SNCAIP: variants seen among roughly 807,000 people sequenced by gnomAD.
The protein encoded by SNCAIP is synphilin-1.
SNCAIP carries 43 observed loss-of-function variants against 86.7 expected under a neutral mutation model. That is an observed-to-expected ratio of 0.50 (90% CI 0.39 to 0.64). The LOEUF (loss-of-function observed/expected upper bound fraction) is 0.64. Ranked by LOEUF, SNCAIP falls within the 30% of genes least tolerant of loss-of-function variation. SNCAIP has a pLI of 0.00. For synonymous variants in SNCAIP, 417 were observed against 427.2 expected, an observed-to-expected ratio of 0.98 and a Z score of 0.29; for missense variants, 981 against 1,103.1, an observed-to-expected ratio of 0.89 and a Z score of 1.57.
chr5:122,401,520 C>A (rs375431700), intron 2 of SNCAIP, among the ~76,000 whole-genome samples: 16 of 152,292 alleles, frequency 1.1e-4, no homozygotes, highest in East Asian at 9.6e-4. Flanking sequence ...TGTTCATATA[C>A]CCTTAAAATT....
chr5:122,320,993 T>TC (rs1752809638), intron 1 of SNCAIP, among the ~76,000 whole-genome samples: 1 of 152,070 alleles, frequency 6.6e-6, no homozygotes, highest in Non-Finnish European at 1.5e-5. Flanking sequence ...CATAGGCATT[T>TC]CCCCCACTCA....
intron 1 of SNCAIP, chr5:122,369,962 C>A (rs917727141): frequency 3.9e-5 from 6 of 152,158 alleles, no homozygotes; most frequent in African/African-American, 1.2e-4. Context: ...CCTCTTCCTG[C>A]CACTTAGAGC....
At chr5:122,438,353 C>G (rs1478372) in intron 6 of SNCAIP, among the ~76,000 whole-genome samples, 42,935 of 151,926 alleles carry the variant, frequency 0.28, 6,250 homozygotes, top group African/African-American at 0.33. Flanking sequence ...AGTTGTCCCA[C>G]CATGAGTGAA....
At chr5:122,400,048 A>C (rs567105103) in intron 2 of SNCAIP, among the ~76,000 whole-genome samples, 7 of 152,242 alleles carry the variant, frequency 4.6e-5, no homozygotes, top group African/African-American at 1.7e-4. Flanking sequence ...ATACCCAGGC[A>C]AAGCTGGAAG....
At chr5:122,410,074 A>T (rs1053293498) in intron 3 of SNCAIP, among the ~76,000 whole-genome samples, 22 of 152,360 alleles carry the variant, frequency 1.4e-4, no homozygotes, top group African/African-American at 5.0e-4. Flanking sequence ...AACTAGAGTA[A>T]AAATTTACAG....
intron 6 of SNCAIP, among the ~76,000 whole-genome samples, chr5:122,432,424 A>T (rs1225852858): frequency 2.0e-5 from 3 of 152,156 alleles, no homozygotes; most frequent in Non-Finnish European, 4.4e-5. Flanking sequence ...AGAGAAATAG[A>T]AATTAATACT....
rs1466857919 is a variant in SNCAIP, at chr5:122,375,341, G to C, written c.-46-15748G>C. The stretch of plus-strand genomic sequence containing the variant: ...ATTCTAATTAAAAATATATGGCTGG[G>C]TTTTTCTTTTTCTCAGTTAGCTGGG... On this transcript the variant is annotated intron_variant, in intron 1 of 10. Coordinates refer to ENST00000261368, the MANE Select transcript of SNCAIP (RefSeq NM_005460.4). Among the ~76,000 whole-genome samples the C allele has an allele frequency of 3.3e-5, 5 of 151,986 alleles. No homozygotes were observed. The East Asian group carries it at 9.6e-4, about 29-fold the overall frequency.
At chr5:122,411,704 T>C (rs777736488) in intron 3 of SNCAIP, among the ~76,000 whole-genome samples, 2 of 152,260 alleles carry the variant, frequency 1.3e-5, no homozygotes, top group African/African-American at 2.4e-5. Flanking sequence ...CACCGTATGA[T>C]CCAGGACTCA....
intron 1 of SNCAIP, among the ~76,000 whole-genome samples, chr5:122,317,041 C>T (rs1180910740): frequency 6.6e-6 from 1 of 152,162 alleles, no homozygotes; most frequent in African/African-American, 2.4e-5. Flanking sequence ...GTGCCATTAT[C>T]TCGTGCAGTA....
At chr5:122,457,475 C>G (rs1346467863) in intron 10 of SNCAIP, among the ~76,000 whole-genome samples, 1 of 152,170 alleles carries the variant, frequency 6.6e-6, no homozygotes, top group Non-Finnish European at 1.5e-5. Flanking sequence ...CTGACCCTCC[C>G]AGCTCCCATG....
chr5:122,377,474 A>G (rs1363604643), intron 1 of SNCAIP, among the ~76,000 whole-genome samples: 1 of 149,112 alleles, frequency 6.7e-6, no homozygotes, highest in Non-Finnish European at 1.5e-5. Flanking sequence ...CACACAAGAA[A>G]GGGGTGAGAG....
At chr5:122,323,908 G>A (rs545336396) in intron 1 of SNCAIP, among the ~76,000 whole-genome samples, 4 of 152,148 alleles carry the variant, frequency 2.6e-5, no homozygotes, top group African/African-American at 9.6e-5. Flanking sequence ...ACCTTGTTGC[G>A]TGACACATCG....
chr5:122,403,819 C>A lies in SNCAIP; in HGVS notation c.84C>A (p.Ile28=). 2 of 1,613,792 alleles carry A rather than the reference C, an allele frequency of 1.2e-6. No individual in the cohort carries two copies. The highest frequency in any genetic ancestry group is 1.7e-6 in the Non-Finnish European group (2 of 1,179,734). Residue 28 remains isoleucine, a synonymous_variant, in exon 3 of 11, where the codon ATC becomes ATA. Coordinates refer to ENST00000261368, the MANE Select transcript of SNCAIP (RefSeq NM_005460.4). ...ISYSVTSLKT[I]PELCRRCDTQ... ...ATTCAGTCACATCACTCAAGACGAT[C>A]CCAGAACTGTGCCGAAGATGTGATA...
intron 10 of SNCAIP, 124 bp downstream of exon 10, chr5:122,451,725 A>T: frequency 2.7e-6 from 2 of 736,476 alleles, no homozygotes; most frequent in South Asian, 1.8e-5. Flanking sequence ...ATCCAAAGGG[A>T]TGCATGGAAA....
chr5:122,453,960 C>T (rs746867904), intron 10 of SNCAIP, among the ~76,000 whole-genome samples: 50 of 152,160 alleles, frequency 3.3e-4, no homozygotes, highest in Non-Finnish European at 6.2e-4. Context: ...TGTTTTGCCA[C>T]GTTGCTCAGG....
chr5:122,456,979 G>C (rs1784903025), intron 10 of SNCAIP, among the ~76,000 whole-genome samples: 1 of 152,140 alleles, frequency 6.6e-6, no homozygotes, highest in Non-Finnish European at 1.5e-5. Flanking sequence ...AGAAACTGTA[G>C]TTTCATGTTT....
At chr5:122,325,919 A>G (rs1358955874) in intron 1 of SNCAIP, among the ~76,000 whole-genome samples, 4 of 152,178 alleles carry the variant, frequency 2.6e-5, no homozygotes. Flanking sequence ...AGGGTTTCCT[A>G]TCTTGTTTCT....
chr5:122,421,943 C>T (rs924023510), intron 3 of SNCAIP, among the ~76,000 whole-genome samples: 5 of 150,812 alleles, frequency 3.3e-5, no homozygotes, highest in African/African-American at 9.8e-5. Flanking sequence ...TCTACTCTAT[C>T]GCAACCAGAC....
At chr5:122,396,954 G>A (rs930674796) in intron 2 of SNCAIP, among the ~76,000 whole-genome samples, 1 of 152,014 alleles carries the variant, frequency 6.6e-6, no homozygotes, top group Non-Finnish European at 1.5e-5. Context: ...TTAAAATGCT[G>A]GTTTTGGTAC....
Sources: allele counts gnomAD v4.1 joint callset (sites outside exome capture counted in the v4.1 genomes callset), GRCh38; gene constraint gnomAD v4.1.1; transcripts MANE v1.5; gene names NCBI Gene and HGNC (gene_info 2026-07-23, HGNC 2026-07-21).